VPS8: variants seen among roughly 807,000 people sequenced by gnomAD.
VPS8 encodes vacuolar protein sorting-associated protein 8 homolog.
In VPS8, 129 loss-of-function variants were observed where a neutral mutation model predicts 216.4. The ratio of observed to expected loss-of-function variants is 0.60; its 90% confidence interval spans 0.52 to 0.69. The LOEUF is 0.69. Ranked by LOEUF, VPS8 falls within the 30% of genes least tolerant of loss-of-function variation. The pLI is 0.00. For synonymous variants in VPS8, 571 were observed against 565.4 expected, an observed-to-expected ratio of 1.01 and a Z score of -0.14; for missense variants, 1,531 against 1,683.5, an observed-to-expected ratio of 0.91 and a Z score of 1.59.
At chr3:184,990,391 T>A (rs981321334) in intron 42 of VPS8, among the ~76,000 whole-genome samples, 1 of 152,216 alleles carries the variant, frequency 6.6e-6, no homozygotes, top group African/African-American at 2.4e-5. Context: ...CGTGTCTCCC[T>A]TGTTCACTAT....
At chr3:184,823,019 C>T (rs1717943317) in intron 1 of VPS8, among the ~76,000 whole-genome samples, 1 of 152,092 alleles carries the variant, frequency 6.6e-6, no homozygotes, top group Admixed American at 6.6e-5. Flanking sequence ...AAGTTGGTTT[C>T]AGCTCTTGAA....
intron 40 of VPS8, among the ~76,000 whole-genome samples, chr3:184,972,781 A>G (rs1748635907): frequency 1.3e-5 from 2 of 152,344 alleles, no homozygotes; most frequent in Admixed American, 6.5e-5. Flanking sequence ...ATGTGATTTG[A>G]TAGTTAAATT....
chr3:184,925,283 A>G (rs1006830960), intron 30 of VPS8, among the ~76,000 whole-genome samples: 17 of 152,226 alleles, frequency 1.1e-4, no homozygotes, highest in African/African-American at 3.9e-4. Context: ...TAGTAAGACT[A>G]TTATGACCAT....
At chr3:184,974,551 A>G (rs923714422) in intron 40 of VPS8, among the ~76,000 whole-genome samples, 1 of 152,010 alleles carries the variant, frequency 6.6e-6, no homozygotes, top group African/African-American at 2.4e-5. Context: ...CAGAAGCTTT[A>G]TAGTTTAACA....
intron 34 of VPS8, among the ~76,000 whole-genome samples, chr3:184,932,459 A>G (rs1442912340): frequency 6.6e-6 from 1 of 152,182 alleles, no homozygotes; most frequent in Non-Finnish European, 1.5e-5. Flanking sequence ...GCATTCAAAA[A>G]AGTACATAAA....
chr3:185,030,457 G>A (rs1235980572), intron 46 of VPS8, among the ~76,000 whole-genome samples: 3 of 152,186 alleles, frequency 2.0e-5, no homozygotes, highest in African/African-American at 7.2e-5. Context: ...CCTCAGGCTG[G>A]TGGTGCCACT....
intron 25 of VPS8, among the ~76,000 whole-genome samples, chr3:184,910,823 C>G (rs1441807537): frequency 6.6e-6 from 1 of 152,184 alleles, no homozygotes; most frequent in Non-Finnish European, 1.5e-5. Context: ...GCCTGTCTCT[C>G]CTCCCCCAAA....
In VPS8 at chr3:184,982,638, C is replaced by T. The variant is rs11555405; in HGVS notation, c.3493C>T (p.His1165Tyr). ...KLSSSAIPHL[H>Y]SEALKSLTMQ... Reference sequence around the variant, plus strand: ...GTCCAGTTCAGCCATTCCTCATCTACACTCTGAAGGTAAGTTCTTCAGAAT... The same window carrying T: ...GTCCAGTTCAGCCATTCCTCATCTATACTCTGAAGGTAAGTTCTTCAGAAT... Residue 1165 changes from histidine (H) to tyrosine (Y), a missense_variant, in exon 41 of 48, where the codon CAC becomes TAC. Around this residue, in one of 3 missense-constraint regions of VPS8, gnomAD observed 1,318 missense variants for 1,468.4 expected, o/e 0.90. Transcript: ENST00000625842. 0.26 allele frequency: 422,073 copies of T among 1,610,244 alleles called. 60,825 individuals carry two copies. Among genetic ancestry groups the T allele is most frequent in the East Asian group, 0.53 (23,740 of 44,822 alleles).
intron 45 of VPS8, among the ~76,000 whole-genome samples, chr3:185,011,339 C>T (rs1006610327): frequency 1.3e-5 from 2 of 152,140 alleles, no homozygotes; most frequent in South Asian, 4.1e-4. Flanking sequence ...TTTTCTAGGG[C>T]ACCTCTTGGC....
At chr3:184,843,357 A>G (rs1472702842) in intron 8 of VPS8, 112 bp downstream of exon 8, 9 of 744,868 alleles carry the variant, frequency 1.2e-5, no homozygotes, top group Non-Finnish European at 1.7e-5. Flanking sequence ...TTATTGAAAA[A>G]AACCCAGCTA....
At chr3:185,033,651 G>C (rs574399477) in intron 46 of VPS8, among the ~76,000 whole-genome samples, 6 of 152,318 alleles carry the variant, frequency 3.9e-5, no homozygotes, top group Admixed American at 3.3e-4. Context: ...GACCATGATT[G>C]CTGGATTATA....
chr3:185,014,136 C>G (rs950211860), intron 45 of VPS8, among the ~76,000 whole-genome samples: 1 of 152,188 alleles, frequency 6.6e-6, no homozygotes. Context: ...TATAATTGTT[C>G]TCTGTGTCAG....
chr3:184,925,096 A>G, intron 30 of VPS8, 115 bp downstream of exon 30: 1 of 1,379,000 alleles, frequency 7.3e-7, no homozygotes, highest in Non-Finnish European at 9.6e-7. Context: ...TATCAAGGAG[A>G]GGCCTGTTCA....
intron 40 of VPS8, among the ~76,000 whole-genome samples, chr3:184,973,603 TTACTA>T (rs1170325108): frequency 6.6e-6 from 1 of 152,194 alleles, no homozygotes. Flanking sequence ...AAATTATTGT[TTACTA>T]TAATCACCCT....
chr3:184,852,589 G>A (rs1486701868), intron 11 of VPS8, 22 bp downstream of exon 11: 2 of 1,606,180 alleles, frequency 1.2e-6, no homozygotes, highest in African/African-American at 2.7e-5. Flanking sequence ...GTGGACATTT[G>A]TTGACAAATG....
chr3:184,887,419 T>C (rs980247126), intron 22 of VPS8, among the ~76,000 whole-genome samples: 11 of 152,124 alleles, frequency 7.2e-5, no homozygotes, highest in African/African-American at 1.9e-4. Context: ...CTTTTTTTTT[T>C]CCACACTAAT....
Position 184,886,470 on chromosome 3 carries a change from T to C in VPS8, c.1781+314T>C, listed in dbSNP as rs574416842. ...ATGATTCATTATATGTATATATATATACACACACACACGCATATATACACA... is the reference window on the plus strand; with the variant it reads ...ATGATTCATTATATGTATATATATACACACACACACACGCATATATACACA... On this transcript the variant is annotated intron_variant, in intron 22 of 47. Transcript: ENST00000625842. 1.6e-4 allele frequency among the ~76,000 whole-genome samples: 24 copies of C among 151,392 alleles called. No homozygotes were observed. In the South Asian group the frequency reaches 4.0e-3, roughly 25 times the overall value.
chr3:185,048,360 A>G (rs3821748), intron 46 of VPS8, 119 bp from the exon 47 acceptor site: 434,177 of 950,152 alleles, frequency 0.46, 101,441 homozygotes, highest in East Asian at 0.65. Context: ...AGCTGGTAGC[A>G]TGGATTGTTT....
At chr3:185,026,241 G>T (rs1357776043) in intron 46 of VPS8, among the ~76,000 whole-genome samples, 4 of 151,978 alleles carry the variant, frequency 2.6e-5, no homozygotes, top group African/African-American at 9.7e-5. Flanking sequence ...TATTTACATT[G>T]TATTGGGTAT....
Sources: allele counts gnomAD v4.1 joint callset (sites outside exome capture counted in the v4.1 genomes callset), GRCh38; gene constraint gnomAD v4.1.1; regional missense constraint gnomAD v4.1.1; transcripts MANE v1.5; gene names NCBI Gene and HGNC (gene_info 2026-07-23, HGNC 2026-07-21).